DCHS2: variants seen among roughly 807,000 people sequenced by gnomAD.
DCHS2 encodes the protein protocadherin-23.
A neutral mutation model predicts 182.4 loss-of-function variants in DCHS2; 142 were observed. The observed-to-expected ratio is 0.78, with a 90% CI of 0.68 to 0.89. DCHS2 has a LOEUF of 0.89. Ranked by LOEUF, DCHS2 falls within the 40% of genes least tolerant of loss-of-function variation. The pLI, the probability that DCHS2 is intolerant of heterozygous loss-of-function variation, is 0.00. For synonymous variants in DCHS2, 1,740 were observed against 1,663.3 expected (o/e 1.05, Z -1.12); for missense variants, 4,319 against 4,198.6 (o/e 1.03, Z -0.79).
chr4:154,416,361 A>C (rs1732833154), intron 1 of DCHS2, among the ~76,000 whole-genome samples: 1 of 152,196 alleles, frequency 6.6e-6, no homozygotes, highest in South Asian at 2.1e-4. Context: ...CTCGCATCCC[A>C]GGATCATTAG....
At chr4:154,266,328 T>TG (rs1321052751) in intron 14 of DCHS2, among the ~76,000 whole-genome samples, 12 of 146,894 alleles carry the variant, frequency 8.2e-5, no homozygotes, top group Admixed American at 2.1e-4. Context: ...CAGGGGTTTT[T>TG]TTTTTGTTGT....
intron 1 of DCHS2, among the ~76,000 whole-genome samples, chr4:154,405,624 T>C (rs989019496): frequency 6.6e-6 from 1 of 152,174 alleles, no homozygotes; most frequent in African/African-American, 2.4e-5. Flanking sequence ...TTTCAGATAT[T>C]ATCCTTTTCA....
At chr4:154,327,618 A>G (rs1182367537) in intron 7 of DCHS2, among the ~76,000 whole-genome samples, 1 of 152,176 alleles carries the variant, frequency 6.6e-6, no homozygotes, top group Non-Finnish European at 1.5e-5. Flanking sequence ...AAAACATAAT[A>G]GTAAGCCCAC....
chr4:154,434,337 G>T (rs370439903), intron 1 of DCHS2, among the ~76,000 whole-genome samples: 1 of 152,178 alleles, frequency 6.6e-6, no homozygotes, highest in Non-Finnish European at 1.5e-5. Context: ...TGGGAGGATC[G>T]CTTGAGCCTG....
Position 154,491,532 on chromosome 4 carries a change from T to TGGAG in DCHS2, c.-178_-177insCTCC. 1.4e-6 allele frequency: 2 copies of TGGAG among 1,393,706 alleles called. No individual in the cohort carries two copies. Among genetic ancestry groups the TGGAG allele is most frequent in the Non-Finnish European group, 1.9e-6 (2 of 1,080,454 alleles). 86.3% of individuals were successfully genotyped at this position (1,393,706 alleles called of 1,614,324 possible). A position where few individuals can be genotyped will look rare whatever the true frequency, so the allele number is the denominator to read the frequency against. On this transcript the variant is annotated 5_prime_UTR_variant, in exon 1 of 20. Transcript: ENST00000357232. Reference sequence around the variant, plus strand: ...ATCTGCAACTGGTGAAAGCGTCCTCTGCCTGCAGCTCACGCAGACAGGGAA... The same window carrying TGGAG: ...ATCTGCAACTGGTGAAAGCGTCCTCTGGAGGCCTGCAGCTCACGCAGACAGGGAA...
At chr4:154,459,749 TC>T (rs1734932371) in intron 1 of DCHS2, among the ~76,000 whole-genome samples, 1 of 84,836 alleles carries the variant, frequency 1.2e-5, no homozygotes, top group African/African-American at 3.4e-5. Flanking sequence ...TCTCTCTCTC[TC>T]TCTCTCTCTC....
At chr4:154,297,018 C>T (rs189840443) in intron 13 of DCHS2, among the ~76,000 whole-genome samples, 5 of 152,222 alleles carry the variant, frequency 3.3e-5, no homozygotes, top group East Asian at 3.9e-4. Context: ...AATGAACAAA[C>T]GAGGAAAAAT....
intron 1 of DCHS2, among the ~76,000 whole-genome samples, chr4:154,442,611 TC>T (rs1336349726): frequency 2.9e-4 from 40 of 135,910 alleles, no homozygotes; most frequent in African/African-American, 1.0e-3. Context: ...CTGTTATTTT[TC>T]CCCCACATCC....
At chr4:154,380,776 A>G (rs903939165) in intron 1 of DCHS2, among the ~76,000 whole-genome samples, 5 of 152,214 alleles carry the variant, frequency 3.3e-5, no homozygotes, top group African/African-American at 1.2e-4. Flanking sequence ...AATACCTAAA[A>G]ATATTGACCT....
intron 1 of DCHS2, among the ~76,000 whole-genome samples, chr4:154,457,975 T>C (rs554977685): frequency 6.6e-6 from 1 of 152,182 alleles, no homozygotes; most frequent in African/African-American, 2.4e-5. Context: ...TTTGTTTAAC[T>C]TTTTTTCCTA....
chr4:154,278,341 G>A (rs574317047), intron 13 of DCHS2, among the ~76,000 whole-genome samples: 84 of 151,982 alleles, frequency 5.5e-4, no homozygotes, highest in African/African-American at 2.0e-3. Flanking sequence ...AAATAATGAA[G>A]AAAAGTGAAG....
intron 1 of DCHS2, among the ~76,000 whole-genome samples, chr4:154,427,292 A>G (rs1013057579): frequency 1.3e-5 from 2 of 152,246 alleles, no homozygotes. Flanking sequence ...TGGTGTATAA[A>G]TAGACTAACT....
intron 1 of DCHS2, among the ~76,000 whole-genome samples, chr4:154,379,619 G>A (rs1384946361): frequency 2.6e-5 from 4 of 152,118 alleles, no homozygotes; most frequent in Non-Finnish European, 5.9e-5. Flanking sequence ...TTTTAGGAGG[G>A]AGGCAAAAAT....
chr4:154,465,864 C>T (rs1560775485), intron 1 of DCHS2, among the ~76,000 whole-genome samples: 1 of 151,934 alleles, frequency 6.6e-6, no homozygotes, highest in Non-Finnish European at 1.5e-5. Context: ...ACAATATCCA[C>T]ATACAATCAA....
chr4:154,349,151 C>T (rs573759680), intron 3 of DCHS2, among the ~76,000 whole-genome samples: 1 of 151,958 alleles, frequency 6.6e-6, no homozygotes, highest in South Asian at 2.1e-4. Flanking sequence ...TGAGAAACAC[C>T]TCGATGTGTT....
At chr4:154,372,036 A>G (rs1253244269) in intron 2 of DCHS2, among the ~76,000 whole-genome samples, 2 of 152,202 alleles carry the variant, frequency 1.3e-5, no homozygotes, top group Non-Finnish European at 2.9e-5. Context: ...GGAGGAGAAT[A>G]TGGATAATAA....
At chr4:154,289,230 TA>T (rs377691585) in intron 13 of DCHS2, among the ~76,000 whole-genome samples, 57 of 151,892 alleles carry the variant, frequency 3.8e-4, no homozygotes, top group African/African-American at 1.3e-3. Context: ...CCTAAATAAA[TA>T]AAATCAGAGG....
At chr4:154,346,578 G>T (rs1253255999) in intron 3 of DCHS2, among the ~76,000 whole-genome samples, 1 of 149,730 alleles carries the variant, frequency 6.7e-6, no homozygotes, top group Non-Finnish European at 1.5e-5. Flanking sequence ...CTACCTAATT[G>T]CCCATTTAAT....
intron 3 of DCHS2, among the ~76,000 whole-genome samples, chr4:154,361,718 A>G (rs1730130769): frequency 6.6e-6 from 1 of 152,138 alleles, no homozygotes; most frequent in Non-Finnish European, 1.5e-5. Flanking sequence ...AGATAAACCC[A>G]CAAGAGAAAA....
Sources: gnomAD v4.1 joint callset for allele counts (sites outside exome capture counted in the v4.1 genomes callset) on GRCh38, gnomAD v4.1.1 for gene constraint, MANE v1.5 for transcripts, NCBI Gene and HGNC (gene_info 2026-07-23, HGNC 2026-07-21) for gene names.